Variants in TEC observed in about 807,000 individuals in gnomAD.
The protein encoded by TEC is tec protein tyrosine kinase, also known as tyrosine-protein kinase Tec.
Under a neutral mutation model 93.0 loss-of-function variants are expected in TEC, and 72 were observed. The ratio of observed to expected loss-of-function variants is 0.77; its 90% CI spans 0.64 to 0.94. The LOEUF is 0.94. TEC is among the 40% of genes least tolerant of loss of function. The pLI is 0.00. For missense variants in TEC, 630 were observed against 757.9 expected (o/e 0.83, Z 1.98); for synonymous variants, 249 against 247.7 (o/e 1.01, Z -0.05).
intron 4 of TEC, among the ~76,000 whole-genome samples, chr4:48,171,034 G>A (rs768394092): frequency 1.3e-5 from 2 of 151,762 alleles, no homozygotes; most frequent in Admixed American, 6.6e-5. Flanking sequence ...CTGGGTGACA[G>A]AGTGAAACTC....
intron 1 of TEC, among the ~76,000 whole-genome samples, chr4:48,240,039 A>G (rs1210008445): frequency 6.6e-6 from 1 of 151,760 alleles, no homozygotes; most frequent in Non-Finnish European, 1.5e-5. Context: ...CAGAGTTCTT[A>G]TCTTTTAAAG....
intron 2 of TEC, among the ~76,000 whole-genome samples, chr4:48,195,286 G>C (rs1722259644): frequency 6.6e-6 from 1 of 152,056 alleles, no homozygotes; most frequent in Non-Finnish European, 1.5e-5. Context: ...TATGATAAAA[G>C]GTTAAAAAAC....
chr4:48,177,837 A>T (rs574495454), intron 2 of TEC, among the ~76,000 whole-genome samples: 1 of 152,020 alleles, frequency 6.6e-6, no homozygotes, highest in Admixed American at 6.6e-5. Flanking sequence ...TGATGGTTTT[A>T]TAAGGGGCTC....
chr4:48,251,963 G>A (rs1724216608), intron 1 of TEC, among the ~76,000 whole-genome samples: 1 of 152,118 alleles, frequency 6.6e-6, no homozygotes, highest in Non-Finnish European at 1.5e-5. Context: ...AGACGAAGAA[G>A]CAAGGCAAGC....
chr4:48,212,111 AT>A (rs71200939), intron 2 of TEC, among the ~76,000 whole-genome samples: 37,454 of 100,828 alleles, frequency 0.37, 5,694 homozygotes, highest in East Asian at 0.52. Flanking sequence ...AAAAAAAAAA[AT>A]ATATATATAT....
intron 2 of TEC, among the ~76,000 whole-genome samples, chr4:48,211,303 C>G (rs1382851006): frequency 6.6e-6 from 1 of 152,168 alleles, no homozygotes; most frequent in Non-Finnish European, 1.5e-5. Flanking sequence ...AATATATTAT[C>G]TCATCCAGTG....
intron 1 of TEC, among the ~76,000 whole-genome samples, chr4:48,233,838 G>A (rs903493185): frequency 8.1e-5 from 12 of 148,538 alleles, no homozygotes; most frequent in African/African-American, 1.2e-4. Context: ...AAATTAAGAC[G>A]CAGAAAACAT....
At chr4:48,141,855 G>T (rs1240854008) in intron 14 of TEC, among the ~76,000 whole-genome samples, 1 of 151,712 alleles carries the variant, frequency 6.6e-6, no homozygotes, top group Admixed American at 6.6e-5. Context: ...GCTAATTATT[G>T]TATTTGTTGG....
intron 11 of TEC, among the ~76,000 whole-genome samples, chr4:48,149,278 T>C (rs2704428): frequency 0.037 from 5,560 of 152,280 alleles, 340 homozygotes; most frequent in African/African-American, 0.13. Flanking sequence ...CGGAACTAAT[T>C]TACACTGCCA....
In TEC at chr4:48,163,682, C is replaced by A; in HGVS notation, c.737+20G>T. ...AAAAGTTTCTGATTTTCCACATTCA[C>A]AAAATAAACATTTACTTACTCATAT... On this transcript the variant is annotated intron_variant, in intron 8 of 17. Coordinates refer to ENST00000381501, the MANE Select transcript of TEC (RefSeq NM_003215.3). 1 of 1,399,422 alleles carries A rather than the reference C, an allele frequency of 7.1e-7. No homozygotes were observed. Among genetic ancestry groups the A allele is most frequent in the South Asian group, 1.4e-5 (1 of 70,986 alleles). The allele number at this position is 1,399,422 out of a possible 1,614,324, so 86.7% of individuals were successfully genotyped here.
intron 2 of TEC, among the ~76,000 whole-genome samples, chr4:48,200,998 G>T (rs1466457411): frequency 6.6e-6 from 1 of 152,152 alleles, no homozygotes; most frequent in African/African-American, 2.4e-5. Context: ...ATTGTGTGTG[G>T]TACATAGCAT....
At chr4:48,196,260 G>A (rs537151719) in intron 2 of TEC, among the ~76,000 whole-genome samples, 2 of 152,302 alleles carry the variant, frequency 1.3e-5, no homozygotes, top group South Asian at 4.1e-4. Flanking sequence ...CCTGGGCTAA[G>A]AACCAGCAGG....
At chr4:48,140,284 G>A (rs532636436) in intron 15 of TEC, among the ~76,000 whole-genome samples, 2 of 152,230 alleles carry the variant, frequency 1.3e-5, no homozygotes, top group Middle Eastern at 3.4e-3. Flanking sequence ...TCCGTTCCTT[G>A]AGCAGGCCAG....
intron 2 of TEC, among the ~76,000 whole-genome samples, chr4:48,186,668 C>T (rs1721871933): frequency 6.6e-6 from 1 of 151,656 alleles, no homozygotes; most frequent in Non-Finnish European, 1.5e-5. Flanking sequence ...GCAGCCTCCC[C>T]GTCTGCGAAG....
intron 2 of TEC, among the ~76,000 whole-genome samples, chr4:48,187,145 T>C (rs1721909336): frequency 1.3e-5 from 2 of 152,188 alleles, no homozygotes; most frequent in South Asian, 4.1e-4. Flanking sequence ...AACCCGGTGC[T>C]CTCTGAAACA....
At chr4:48,260,485 C>A (rs1724472625) in intron 1 of TEC, among the ~76,000 whole-genome samples, 1 of 152,178 alleles carries the variant, frequency 6.6e-6, no homozygotes, top group South Asian at 2.1e-4. Context: ...ACTCAGGAGG[C>A]TGAAGCCAGA....
At position 48,137,113 on chromosome 4, in the gene TEC, C is replaced by T. The variant is rs188887309; in HGVS notation, c.*303G>A. The T allele has an allele frequency of 2.7e-4, 89 of 334,966 alleles. No homozygotes were observed. In the East Asian group the frequency reaches 5.5e-3, roughly 21 times the overall value. The allele number at this position is 334,966 out of a possible 1,614,324, so 20.7% of individuals were successfully genotyped here. ...CAGCTAACATGGTCCCATGTGTGCA[C>T]CCCTGAATGGCCAAACCCTGGGGCT... is the stretch of plus-strand genomic sequence containing the variant. On this transcript the variant is annotated 3_prime_UTR_variant, in exon 18 of 18. Coordinates refer to ENST00000381501, the MANE Select transcript of TEC (RefSeq NM_003215.3).
chr4:48,256,901 C>T (rs1358674649), intron 1 of TEC, among the ~76,000 whole-genome samples: 4 of 152,142 alleles, frequency 2.6e-5, no homozygotes, highest in South Asian at 2.1e-4. Flanking sequence ...TATAGAGCTG[C>T]GCTGTTCAAT....
At chr4:48,139,131 C>A in intron 15 of TEC, 109 bp from the exon 16 acceptor site, 2 of 913,232 alleles carry the variant, frequency 2.2e-6, no homozygotes, top group Non-Finnish European at 3.4e-6. Flanking sequence ...GACTGAAGTC[C>A]AACAAGCATC....
Sources: allele counts gnomAD v4.1 joint callset (sites outside exome capture counted in the v4.1 genomes callset), GRCh38; gene constraint gnomAD v4.1.1; transcripts MANE v1.5; gene names NCBI Gene and HGNC (gene_info 2026-07-23, HGNC 2026-07-21).